The following SCML4 variants were observed in gnomAD, a reference collection of about 807,000 sequenced individuals.
The protein encoded by SCML4 is Scm polycomb group protein like 4.
In SCML4, 34 loss-of-function variants were observed where a neutral mutation model predicts 41.1. The observed-to-expected ratio is 0.83, with a 90% CI of 0.63 to 1.10. The LOEUF (loss-of-function observed/expected upper bound fraction) is 1.10. Ranked by LOEUF, SCML4 falls within the 50% of genes least tolerant of loss-of-function variation. SCML4 has a pLI of 0.00. For synonymous variants in SCML4, 214 were observed against 220.9 expected, an observed-to-expected ratio of 0.97 and a Z score of 0.28; for missense variants, 522 against 534.1, an observed-to-expected ratio of 0.98 and a Z score of 0.22.
At chr6:107,839,351 A>AAGAGAGAG in the SCML4 span, among the ~76,000 whole-genome samples, 1 of 45,574 alleles carries the variant, frequency 2.2e-5, no homozygotes, top group East Asian at 6.9e-4. Context: ...AAAAGAAAGA[A>AAGAGAGAG]AGAAAGAAAG....
At position 107,820,857 on chromosome 6, in the gene SCML4, AAAG is replaced by A. The variant is rs200137095; in HGVS notation, c.-60+3266_-60+3268del. 9.3e-3 allele frequency among the ~76,000 whole-genome samples: 1,414 copies of A among 152,310 alleles called. 14 individuals are homozygous for A. Among genetic ancestry groups the A allele is most frequent in the African/African-American group, 0.03 (1,229 of 41,552 alleles). Reference sequence around the variant, plus strand: ...GGTGGGGAAAGGTAGAAAAGAAAAAAAAGAAGAAGAAGGAGAAAGTGACATATT... The same window carrying A: ...GGTGGGGAAAGGTAGAAAAGAAAAAAAAGAAGAAGGAGAAAGTGACATATT... On this transcript the variant is annotated intron_variant, in intron 1 of 7. Coordinates refer to ENST00000369020, the MANE Select transcript of SCML4 (RefSeq NM_198081.5).
intron 5 of SCML4, among the ~76,000 whole-genome samples, chr6:107,727,631 G>A (rs189948670): frequency 2.6e-5 from 4 of 152,312 alleles, no homozygotes; most frequent in Admixed American, 6.5e-5. Flanking sequence ...ACCCTGGAAC[G>A]CTACATCTTT....
chr6:107,705,410 G>C (rs1435478012), intron 7 of SCML4, 85 bp from the exon 8 acceptor site: 11 of 1,315,180 alleles, frequency 8.4e-6, no homozygotes, highest in Admixed American at 2.0e-5. Context: ...TGTGGTCAAG[G>C]GGTGTGCTCA....
chr6:107,733,104 G>C (rs1178293555), intron 5 of SCML4, among the ~76,000 whole-genome samples: 3 of 152,200 alleles, frequency 2.0e-5, no homozygotes, highest in African/African-American at 7.2e-5. Context: ...CCCTAGTTGA[G>C]GTTTGAGATG....
At chr6:107,806,998 G>A (rs138017804) in intron 1 of SCML4, among the ~76,000 whole-genome samples, 2 of 152,256 alleles carry the variant, frequency 1.3e-5, no homozygotes, top group East Asian at 3.9e-4. Context: ...AGGGTAGGGA[G>A]AGGAGGGAAA....
intron 6 of SCML4, 42 bp downstream of exon 6, chr6:107,720,661 G>A (rs1387244835): frequency 2.7e-6 from 4 of 1,499,434 alleles, no homozygotes; most frequent in Non-Finnish European, 3.6e-6. Context: ...CAAGGGCAAG[G>A]GATGTTAAGT....
intron 5 of SCML4, 113 bp downstream of exon 5, chr6:107,744,836 G>T: frequency 1.1e-6 from 1 of 884,410 alleles, no homozygotes; most frequent in Non-Finnish European, 1.7e-6. Flanking sequence ...AGCCCATGGG[G>T]CTCCAGTGGC....
intron 6 of SCML4, among the ~76,000 whole-genome samples, chr6:107,714,258 G>T (rs1739862): frequency 0.75 from 114,250 of 152,088 alleles, 43,109 homozygotes; most frequent in Admixed American, 0.81. Flanking sequence ...TGAGCTGAGC[G>T]AGATTCCTTC....
At chr6:107,737,796 T>C (rs919681733) in intron 5 of SCML4, among the ~76,000 whole-genome samples, 1 of 152,190 alleles carries the variant, frequency 6.6e-6, no homozygotes, top group Non-Finnish European at 1.5e-5. Context: ...GGGTACAATG[T>C]ACATTATTTG....
intron 1 of SCML4, among the ~76,000 whole-genome samples, chr6:107,786,566 C>G (rs1265719422): frequency 6.6e-6 from 1 of 152,196 alleles, no homozygotes; most frequent in Admixed American, 6.5e-5. Flanking sequence ...TTCTAATATG[C>G]TTGAGCTCCT....
At position 107,709,992 on chromosome 6, in the gene SCML4, G is replaced by A. The variant is rs563415389; in HGVS notation, c.974-1981C>T. Among the ~76,000 whole-genome samples, 6 of 152,294 alleles carry A rather than the reference G, an allele frequency of 3.9e-5. No individual in the cohort carries two copies. In the South Asian group the frequency reaches 1.2e-3, roughly 32 times the overall value. On this transcript the variant is annotated intron_variant, in intron 6 of 7. Coordinates refer to ENST00000369020, the MANE Select transcript of SCML4 (RefSeq NM_198081.5). ...CCCAAAGTGCTGGGTTTACAGGTAT[G>A]AGCCACAGCACCCGGCTTCCTACCC...
At chr6:107,728,975 G>T (rs1321618185) in intron 5 of SCML4, among the ~76,000 whole-genome samples, 1 of 152,164 alleles carries the variant, frequency 6.6e-6, no homozygotes, top group Non-Finnish European at 1.5e-5. Context: ...TCTATAGAGG[G>T]GTTCTGATAC....
At chr6:107,832,504 T>C in the SCML4 span, among the ~76,000 whole-genome samples, 1 of 152,138 alleles carries the variant, frequency 6.6e-6, no homozygotes, top group Non-Finnish European at 1.5e-5. Flanking sequence ...CTGGCTAACA[T>C]CCCTCCATCT....
Position 107,766,846 on chromosome 6 carries a change from C to T in SCML4, c.156+5326G>A, listed in dbSNP as rs372655431. Among the ~76,000 whole-genome samples, 6 of 152,228 alleles carry T rather than the reference C, an allele frequency of 3.9e-5. No homozygotes were observed. In the East Asian group the frequency reaches 9.7e-4, roughly 24 times the overall value. On this transcript the variant is annotated intron_variant, in intron 2 of 7. Transcript: ENST00000369020. ...ACTGTGTCATAATTTCCCCCACAGA[C>T]CACAGGTAGCAATCCATACCTACCA...
intron 1 of SCML4, among the ~76,000 whole-genome samples, chr6:107,787,587 T>C (rs1032555063): frequency 1.3e-5 from 2 of 152,258 alleles, no homozygotes; most frequent in Non-Finnish European, 2.9e-5. Context: ...TCTTTATCTA[T>C]AAAGCAAATT....
intron 2 of SCML4, among the ~76,000 whole-genome samples, chr6:107,767,046 G>C (rs935644892): frequency 5.9e-5 from 9 of 151,510 alleles, no homozygotes; most frequent in African/African-American, 2.2e-4. Context: ...CGACTCCCTG[G>C]TTCAAGCAAT....
At chr6:107,840,984 AT>A in the SCML4 span, among the ~76,000 whole-genome samples, 23 of 151,840 alleles carry the variant, frequency 1.5e-4, no homozygotes, top group African/African-American at 5.6e-4. Flanking sequence ...TAGAGACTGA[AT>A]TTTTTTTGCT....
intron 1 of SCML4, among the ~76,000 whole-genome samples, chr6:107,804,421 C>A (rs920068844): frequency 6.6e-6 from 1 of 152,120 alleles, no homozygotes; most frequent in Non-Finnish European, 1.5e-5. Context: ...TTAATTTCAG[C>A]CTTTCAGATG....
chr6:107,758,113 C>T (rs2114531269), intron 2 of SCML4, among the ~76,000 whole-genome samples: 1 of 152,310 alleles, frequency 6.6e-6, no homozygotes, highest in Admixed American at 6.5e-5. Context: ...TCTTGAGCAC[C>T]TACTATGTGC....
Sources: allele counts gnomAD v4.1 joint callset (sites outside exome capture counted in the v4.1 genomes callset), GRCh38; gene constraint gnomAD v4.1.1; transcripts MANE v1.5; gene names NCBI Gene and HGNC (gene_info 2026-07-23, HGNC 2026-07-21).